The following LRP1B variants were observed in gnomAD, a reference collection of about 807,000 sequenced individuals.
LRP1B encodes the protein low-density lipoprotein receptor-related protein 1B.
In LRP1B, 217 loss-of-function variants were observed where a neutral mutation model predicts 556.6. The ratio of observed to expected loss-of-function variants is 0.39; its 90% CI spans 0.35 to 0.44. The LOEUF (loss-of-function observed/expected upper bound fraction) is 0.44, where lower values mean the gene tolerates loss of function less well. Among genes scored for constraint, LRP1B ranks in the 20% least tolerant of loss-of-function variants. LRP1B has a pLI of 1.00. For synonymous variants in LRP1B, 2,047 were observed against 1,865.8 expected, an observed-to-expected ratio of 1.10 and a Z score of -2.50; for missense variants, 5,053 against 5,620.8, an observed-to-expected ratio of 0.90 and a Z score of 3.23.
chr2:140,341,590 A>G (rs1311213205), intron 77 of LRP1B, among the ~76,000 whole-genome samples: 1 of 151,516 alleles, frequency 6.6e-6, no homozygotes, highest in Non-Finnish European at 1.5e-5. Context: ...ATTAAGGAAG[A>G]CAGAAAAAAA....
At chr2:140,310,414 C>CAAA (rs10670842) in intron 83 of LRP1B, among the ~76,000 whole-genome samples, 1,900 of 124,816 alleles carry the variant, frequency 0.015, 47 homozygotes, top group African/African-American at 0.045. Context: ...CATACGGAAC[C>CAAA]AAAAAAAAAA....
At chr2:141,421,484 C>G (rs1441499738) in intron 3 of LRP1B, among the ~76,000 whole-genome samples, 21 of 149,860 alleles carry the variant, frequency 1.4e-4, no homozygotes, top group Admixed American at 1.3e-3. Flanking sequence ...AGCCGAGATC[C>G]CGCCACTGCA....
At chr2:141,113,527 G>T (rs1297904563) in intron 7 of LRP1B, among the ~76,000 whole-genome samples, 1 of 151,952 alleles carries the variant, frequency 6.6e-6, no homozygotes, top group African/African-American at 2.4e-5. Flanking sequence ...AGTTTTAATG[G>T]TCTAGCATTT....
At chr2:141,956,981 T>C (rs1171317669) in intron 1 of LRP1B, among the ~76,000 whole-genome samples, 1 of 152,056 alleles carries the variant, frequency 6.6e-6, no homozygotes, top group Non-Finnish European at 1.5e-5. Flanking sequence ...CTTCTTCCTG[T>C]CAGCTACTTT....
chr2:140,409,748 T>A (rs1256705483), intron 66 of LRP1B, among the ~76,000 whole-genome samples: 5 of 152,012 alleles, frequency 3.3e-5, no homozygotes, highest in Non-Finnish European at 7.4e-5. Context: ...TACCATAAAT[T>A]ACTTGTCCCA....
chr2:140,700,832 T>C (rs1686611986), intron 40 of LRP1B, among the ~76,000 whole-genome samples: 1 of 152,172 alleles, frequency 6.6e-6, no homozygotes, highest in South Asian at 2.1e-4. Flanking sequence ...TGGAAAATCA[T>C]AGTCTGTTTC....
chr2:140,727,130 G>A (rs1322900513), intron 35 of LRP1B, among the ~76,000 whole-genome samples: 1 of 152,064 alleles, frequency 6.6e-6, no homozygotes, highest in East Asian at 1.9e-4. Context: ...TAAGATATAT[G>A]ATTTATAAGT....
Position 140,922,997 on chromosome 2 carries a change from TCACA to T in LRP1B, c.3283_3286del (p.Cys1095ThrfsTer83). ...CCAACAGGAAAACTTGGTTTTGTGGTCACACAATCGTATGGTACCATTGCAACCT... is the reference window on the plus strand; with the variant it reads ...CCAACAGGAAAACTTGGTTTTGTGGTCAATCGTATGGTACCATTGCAACCT... On this transcript the variant is annotated frameshift_variant, in exon 21 of 91. Coordinates refer to ENST00000389484, the MANE Select transcript of LRP1B (RefSeq NM_018557.3). LOFTEE classifies it high-confidence loss of function. 1 of 1,612,582 alleles carries T rather than the reference TCACA, an allele frequency of 6.2e-7. No homozygotes were observed. Among genetic ancestry groups the T allele is most frequent in the Non-Finnish European group, 8.5e-7 (1 of 1,179,124 alleles).
intron 2 of LRP1B, among the ~76,000 whole-genome samples, chr2:141,626,400 G>C (rs1688704120): frequency 6.6e-6 from 1 of 152,278 alleles, no homozygotes; most frequent in South Asian, 2.1e-4. Flanking sequence ...CCTAGGGTTT[G>C]AAGGTAACTT....
chr2:141,157,037 A>AT (rs1165986479), intron 7 of LRP1B, among the ~76,000 whole-genome samples: 1 of 152,120 alleles, frequency 6.6e-6, no homozygotes, highest in Non-Finnish European at 1.5e-5. Flanking sequence ...TAGTTATATT[A>AT]TCAAACTTCA....
chr2:140,783,208 G>A (rs1689762149), intron 32 of LRP1B, among the ~76,000 whole-genome samples: 1 of 151,502 alleles, frequency 6.6e-6, no homozygotes, highest in African/African-American at 2.4e-5. Context: ...ACTTATTTTT[G>A]AAATATTCAG....
intron 41 of LRP1B, among the ~76,000 whole-genome samples, chr2:140,622,729 C>CA (rs1240069561): frequency 1.3e-5 from 2 of 151,974 alleles, no homozygotes; most frequent in South Asian, 2.1e-4. Flanking sequence ...AGGGGTAATA[C>CA]AAAAAAGAAT....
chr2:140,660,506 A>T (rs1685053085), intron 41 of LRP1B, among the ~76,000 whole-genome samples: 1 of 152,150 alleles, frequency 6.6e-6, no homozygotes, highest in African/African-American at 2.4e-5. Flanking sequence ...CTTATACATC[A>T]TATAATCTAT....
intron 1 of LRP1B, among the ~76,000 whole-genome samples, chr2:141,956,473 G>A (rs562608819): frequency 6.6e-6 from 1 of 151,810 alleles, no homozygotes; most frequent in East Asian, 1.9e-4. Context: ...TACATATTCT[G>A]GATTTTATCT....
At chr2:140,358,786 C>T (rs780455941) in intron 73 of LRP1B, 35 bp downstream of exon 73, 2 of 1,599,328 alleles carry the variant, frequency 1.3e-6, no homozygotes, top group Non-Finnish European at 1.7e-6. Context: ...AACCTCATAG[C>T]CATCACTGAA....
intron 41 of LRP1B, among the ~76,000 whole-genome samples, chr2:140,678,006 C>G (rs76126360): frequency 1.3e-5 from 2 of 151,706 alleles, no homozygotes; most frequent in East Asian, 3.9e-4. Context: ...GATGAGGAAA[C>G]TAGGACATGC....
intron 33 of LRP1B, among the ~76,000 whole-genome samples, chr2:140,775,467 A>ACTTTTT (rs1689461491): frequency 9.0e-6 from 1 of 111,188 alleles, no homozygotes; most frequent in Non-Finnish European, 1.7e-5. Context: ...TTTTTGGTTG[A>ACTTTTT]TTTTTTTTTT....
intron 71 of LRP1B, among the ~76,000 whole-genome samples, chr2:140,365,159 G>A (rs1292798369): frequency 6.6e-6 from 1 of 150,818 alleles, no homozygotes; most frequent in Non-Finnish European, 1.5e-5. Context: ...TCTTTCTTGG[G>A]GAAAAGACAT....
rs1690862568 is a variant in LRP1B, at chr2:140,810,016, C to T, written c.5359+3641G>A. Among the ~76,000 whole-genome samples the T allele has an allele frequency of 4.6e-5, 7 of 152,156 alleles. No homozygotes were observed. In the South Asian group the frequency reaches 1.4e-3, roughly 31 times the overall value. On this transcript the variant is annotated intron_variant, in intron 32 of 90. Transcript: ENST00000389484. Reference sequence around the variant, plus strand: ...CACACTCAAAGGAAAGAAAGCTAAGCTCTACTTATTAAAAGGAGAAATAGC... The same window carrying T: ...CACACTCAAAGGAAAGAAAGCTAAGTTCTACTTATTAAAAGGAGAAATAGC...
Sources: allele counts gnomAD v4.1 joint callset (sites outside exome capture counted in the v4.1 genomes callset), GRCh38; gene constraint gnomAD v4.1.1; transcripts MANE v1.5; gene names NCBI Gene and HGNC (gene_info 2026-07-23, HGNC 2026-07-21).